Variants in GRM3 observed in about 807,000 individuals in gnomAD.
The protein encoded by GRM3 is glutamate metabotropic receptor 3.
GRM3 carries 26 observed loss-of-function variants against 70.5 expected under a neutral mutation model. The observed-to-expected ratio is 0.37, with a 90% CI of 0.27 to 0.51. The LOEUF (loss-of-function observed/expected upper bound fraction) is 0.51. GRM3 is among the 20% of genes least tolerant of loss of function. The pLI is 0.93. For synonymous variants in GRM3, 443 were observed against 434.9 expected (o/e 1.02, Z -0.23); for missense variants, 859 against 1,123.8 (o/e 0.76, Z 3.37).
chr7:86,817,235 A>C (rs1025194161), intron 3 of GRM3, among the ~76,000 whole-genome samples: 2 of 151,954 alleles, frequency 1.3e-5, no homozygotes, highest in Non-Finnish European at 2.9e-5. Context: ...AATGCTTTAC[A>C]TGTCCCTTCT....
chr7:86,757,173 CT>C (rs1379367832), intron 1 of GRM3, among the ~76,000 whole-genome samples: 1 of 152,132 alleles, frequency 6.6e-6, no homozygotes, highest in South Asian at 2.1e-4. Context: ...TCAAATAATG[CT>C]TTCTCTCTTT....
intron 3 of GRM3, among the ~76,000 whole-genome samples, chr7:86,821,464 G>A (rs1435536207): frequency 6.6e-6 from 1 of 152,126 alleles, no homozygotes; most frequent in Non-Finnish European, 1.5e-5. Context: ...CAAGCTAAGA[G>A]TTATCAAACA....
chr7:86,767,691 T>A (rs1364462547), intron 2 of GRM3, among the ~76,000 whole-genome samples: 2 of 151,798 alleles, frequency 1.3e-5, no homozygotes, highest in South Asian at 2.1e-4. Context: ...AGGGCTTATA[T>A]ATATGCGCTT....
At chr7:86,743,516 C>G (rs1315893967) in intron 1 of GRM3, among the ~76,000 whole-genome samples, 1 of 152,080 alleles carries the variant, frequency 6.6e-6, no homozygotes, top group Non-Finnish European at 1.5e-5. Flanking sequence ...TTCTCCCTTG[C>G]AGCTGCATAT....
chr7:86,655,076 C>T (rs1267840991), intron 1 of GRM3, among the ~76,000 whole-genome samples: 2 of 152,178 alleles, frequency 1.3e-5, no homozygotes, highest in Non-Finnish European at 2.9e-5. Flanking sequence ...CCAGCGTGGC[C>T]ATTAAGCATT....
intron 1 of GRM3, among the ~76,000 whole-genome samples, chr7:86,656,143 C>T (rs1277701369): frequency 1.3e-5 from 2 of 152,032 alleles, no homozygotes; most frequent in Non-Finnish European, 1.5e-5. Context: ...GCAGCAATCT[C>T]TCTTCTTCAC....
At chr7:86,683,018 T>C (rs1031121170) in intron 1 of GRM3, among the ~76,000 whole-genome samples, 1 of 152,166 alleles carries the variant, frequency 6.6e-6, no homozygotes, top group African/African-American at 2.4e-5. Context: ...AGATTTGAAC[T>C]GAACAAATCA....
At chr7:86,742,268 T>G (rs2116325316) in intron 1 of GRM3, among the ~76,000 whole-genome samples, 1 of 152,314 alleles carries the variant, frequency 6.6e-6, no homozygotes, top group African/African-American at 2.4e-5. Flanking sequence ...GCCTCGCTGC[T>G]TTTGACAACC....
chr7:86,662,048 A>C (rs1158468258), intron 1 of GRM3, among the ~76,000 whole-genome samples: 1 of 151,964 alleles, frequency 6.6e-6, no homozygotes, highest in Non-Finnish European at 1.5e-5. Flanking sequence ...AGTTGCAAGC[A>C]CACAAACTGC....
intron 1 of GRM3, among the ~76,000 whole-genome samples, chr7:86,755,379 G>A (rs909240318): frequency 1.3e-5 from 2 of 152,104 alleles, no homozygotes; most frequent in African/African-American, 4.8e-5. Flanking sequence ...TATCGAAATG[G>A]GCAGTAATCA....
At chr7:86,810,236 G>T (rs1388502512) in intron 3 of GRM3, among the ~76,000 whole-genome samples, 1 of 151,850 alleles carries the variant, frequency 6.6e-6, no homozygotes, top group Non-Finnish European at 1.5e-5. Flanking sequence ...CAAGAAAATA[G>T]AAACTTTCGT....
intron 1 of GRM3, among the ~76,000 whole-genome samples, chr7:86,746,982 A>G (rs780898566): frequency 6.6e-5 from 10 of 152,058 alleles, no homozygotes; most frequent in Non-Finnish European, 1.0e-4. Flanking sequence ...GGAATCATAA[A>G]CTTAGCTCTA....
At chr7:86,797,940 T>C (rs1376581678) in intron 3 of GRM3, among the ~76,000 whole-genome samples, 1 of 152,194 alleles carries the variant, frequency 6.6e-6, no homozygotes, top group East Asian at 1.9e-4. Context: ...GGCCATTGCT[T>C]CACAGGGTGC....
chr7:86,690,865 C>T (rs936703314), intron 1 of GRM3, among the ~76,000 whole-genome samples: 1 of 152,060 alleles, frequency 6.6e-6, no homozygotes, highest in Non-Finnish European at 1.5e-5. Flanking sequence ...TTTCAGAAGA[C>T]ATCATGTATA....
At chr7:86,665,144 C>T (rs147733304) in intron 1 of GRM3, among the ~76,000 whole-genome samples, 88 of 152,000 alleles carry the variant, frequency 5.8e-4, no homozygotes, top group African/African-American at 1.8e-3. Flanking sequence ...CTTTTCGTTC[C>T]GTTTTATTCC....
intron 3 of GRM3, among the ~76,000 whole-genome samples, chr7:86,812,492 G>C (rs1797932211): frequency 6.6e-6 from 1 of 151,706 alleles, no homozygotes; most frequent in Non-Finnish European, 1.5e-5. Flanking sequence ...CCAAAAAAAG[G>C]TTAGGATTAA....
At position 86,839,834 on chromosome 7, in the gene GRM3, A is replaced by G. The variant is rs1189616267; in HGVS notation, c.2320A>G (p.Thr774Ala). The change falls in exon 4 of 6, where the codon ACC (threonine) becomes GCC (alanine). Residue 774 changes from threonine (T) to alanine (A), a missense_variant. Physicochemically the swap from Thr to Ala is moderately conservative, Grantham distance 58. Coordinates refer to ENST00000361669, the MANE Select transcript of GRM3 (RefSeq NM_000840.3). The surrounding 1 kb of genome is among the most constrained non-coding windows in gnomAD (Gnocchi z 4.5). ...CAACGAAGCTAAGTTCATAGGTTTT[A>G]CCATGTACACCACGTGCATCATCTG... Reference protein sequence around the residue: ...NFNEAKFIGFTMYTTCIIWLA... With the variant: ...NFNEAKFIGFAMYTTCIIWLA... 6.2e-7 allele frequency: 1 copy of G among 1,613,922 alleles called. No individual in the cohort carries two copies. The highest frequency in any genetic ancestry group is 8.5e-7 in the Non-Finnish European group (1 of 1,179,892).
chr7:86,808,073 C>T (rs995326446), intron 3 of GRM3, among the ~76,000 whole-genome samples: 20 of 152,084 alleles, frequency 1.3e-4, no homozygotes, highest in African/African-American at 4.3e-4. Flanking sequence ...GTTGAACCAG[C>T]CTTGCATCCC....
At chr7:86,754,078 C>T (rs370459939) in intron 1 of GRM3, among the ~76,000 whole-genome samples, 1 of 152,020 alleles carries the variant, frequency 6.6e-6, no homozygotes, top group Non-Finnish European at 1.5e-5. Context: ...TTCCATTACG[C>T]CAGGTTTAAC....
Sources: gnomAD v4.1 joint callset for allele counts (sites outside exome capture counted in the v4.1 genomes callset) on GRCh38, gnomAD v4.1.1 for gene constraint, Gnocchi (gnomAD v3.1) non-coding constraint, MANE v1.5 for transcripts, NCBI Gene and HGNC (gene_info 2026-07-23, HGNC 2026-07-21) for gene names.